The following RFX3 variants were observed in gnomAD, a reference collection of about 807,000 sequenced individuals.
The protein encoded by RFX3 is transcription factor RFX3.
RFX3 carries 14 observed loss-of-function variants against 98.6 expected under a neutral mutation model. The ratio of observed to expected loss-of-function variants is 0.14; its 90% CI spans 0.09 to 0.22. The LOEUF (loss-of-function observed/expected upper bound fraction) is 0.22. Ranked by LOEUF, RFX3 falls within the 10% of genes least tolerant of loss-of-function variation. The pLI is 1.00. For synonymous variants in RFX3, 383 were observed against 328.4 expected (o/e 1.17, Z -1.80); for missense variants, 639 against 926.9 (o/e 0.69, Z 4.03).
At chr9:3,436,515 C>T (rs559955195) in intron 1 of RFX3, among the ~76,000 whole-genome samples, 1 of 152,008 alleles carries the variant, frequency 6.6e-6, no homozygotes, top group Non-Finnish European at 1.5e-5. Context: ...TATGTCAAAA[C>T]TAATATACCT....
At chr9:3,295,379 T>C (rs1397342550) in intron 5 of RFX3, among the ~76,000 whole-genome samples, 29 of 152,070 alleles carry the variant, frequency 1.9e-4, no homozygotes, top group Admixed American at 1.9e-3. Flanking sequence ...AGCTGTATTG[T>C]ACAACAGTGC....
At chr9:3,244,007 A>AT (rs71324236) in intron 15 of RFX3, among the ~76,000 whole-genome samples, 109,553 of 145,506 alleles carry the variant, frequency 0.75, 42,992 homozygotes, top group East Asian at 0.86. Context: ...TATTTTTATT[A>AT]TTTTTTTTTT....
intron 1 of RFX3, among the ~76,000 whole-genome samples, chr9:3,465,320 TCA>T: frequency 1.3e-5 from 2 of 152,230 alleles, no homozygotes. Flanking sequence ...AAACAGAGTC[TCA>T]CTCTGTTTCC....
chr9:3,509,531 TA>T (rs1443791856), intron 1 of RFX3, among the ~76,000 whole-genome samples: 1 of 151,972 alleles, frequency 6.6e-6, no homozygotes, highest in Non-Finnish European at 1.5e-5. Flanking sequence ...TTTTTCTTTT[TA>T]AAAAACCTAG....
intron 12 of RFX3, 53 bp from the exon 13 acceptor site, chr9:3,263,137 C>T (rs778259084): frequency 2.2e-5 from 35 of 1,573,766 alleles, no homozygotes; most frequent in Non-Finnish European, 3.0e-5. Flanking sequence ...TAAAAGAAAC[C>T]ACTGCAATTT....
intron 1 of RFX3, among the ~76,000 whole-genome samples, chr9:3,491,308 A>G (rs1395304605): frequency 1.3e-5 from 2 of 152,160 alleles, no homozygotes; most frequent in Non-Finnish European, 2.9e-5. Flanking sequence ...AAAATGTAAT[A>G]ATCTACAATA....
At position 3,311,343 on chromosome 9, in the gene RFX3, CTT is replaced by C. The variant is rs1326964546; in HGVS notation, c.475-9725_475-9724del. On this transcript the variant is annotated intron_variant, in intron 4 of 16. Coordinates refer to ENST00000617270, the MANE Select transcript of RFX3 (RefSeq NM_001282116.2). ...AAGACAGAACATTTCTACTTGGAGA[CTT>C]ATGTTTAGAAAAGGGAATTGTGATG... is the stretch of plus-strand genomic sequence containing the variant. Among the ~76,000 whole-genome samples the C allele has an allele frequency of 9.0e-4, 137 of 152,076 alleles. 2 individuals carry two copies. The highest frequency in any genetic ancestry group is 1.9e-4 in the Non-Finnish European group (13 of 68,030).
At chr9:3,343,016 C>T (rs1834062464) in intron 3 of RFX3, among the ~76,000 whole-genome samples, 1 of 152,206 alleles carries the variant, frequency 6.6e-6, no homozygotes, top group African/African-American at 2.4e-5. Flanking sequence ...AATGTACACT[C>T]ACTCACTAAC....
At chr9:3,417,124 G>C (rs1397610289) in intron 1 of RFX3, among the ~76,000 whole-genome samples, 1 of 151,878 alleles carries the variant, frequency 6.6e-6, no homozygotes, top group Non-Finnish European at 1.5e-5. Context: ...TAATGATAAA[G>C]GAGCCTGCCT....
chr9:3,497,355 C>T (rs554178658), intron 1 of RFX3, among the ~76,000 whole-genome samples: 1 of 151,980 alleles, frequency 6.6e-6, no homozygotes, highest in South Asian at 2.1e-4. Flanking sequence ...GAAAGTGATG[C>T]CCAAATTTAA....
chr9:3,322,113 T>C (rs1247778578), intron 4 of RFX3, among the ~76,000 whole-genome samples: 6 of 152,264 alleles, frequency 3.9e-5, no homozygotes. Flanking sequence ...CTATAAATTC[T>C]TGCAAGTTTA....
chr9:3,357,136 G>A (rs1024306908), intron 2 of RFX3, among the ~76,000 whole-genome samples: 5 of 151,910 alleles, frequency 3.3e-5, no homozygotes, highest in East Asian at 1.9e-4. Context: ...TAATGCCTCC[G>A]CTTAAATTAT....
At chr9:3,314,936 C>G (rs182989371) in intron 4 of RFX3, among the ~76,000 whole-genome samples, 178 of 152,270 alleles carry the variant, frequency 1.2e-3, no homozygotes, top group Non-Finnish European at 2.2e-3. Context: ...GAGACTTTAG[C>G]ACCCCACTGT....
intron 13 of RFX3, 151 bp downstream of exon 13, chr9:3,262,784 T>C: frequency 1.2e-5 from 9 of 756,644 alleles, no homozygotes; most frequent in Non-Finnish European, 1.7e-5. Context: ...TACAGCTGTA[T>C]CTGGGTCAAA....
intron 1 of RFX3, among the ~76,000 whole-genome samples, chr9:3,457,139 C>CAAAAAAAA (rs1169959832): frequency 1.9e-3 from 44 of 22,814 alleles, no homozygotes; most frequent in East Asian, 3.3e-3. Flanking sequence ...GACTCCATCT[C>CAAAAAAAA]AAAAAAAAAA....
intron 9 of RFX3, among the ~76,000 whole-genome samples, chr9:3,272,877 G>C (rs983147995): frequency 4.6e-5 from 7 of 151,962 alleles, no homozygotes; most frequent in African/African-American, 1.7e-4. Flanking sequence ...CCCAATAACA[G>C]GCAAAGTAGG....
intron 5 of RFX3, among the ~76,000 whole-genome samples, chr9:3,299,541 A>C (rs1828397887): frequency 6.6e-6 from 1 of 151,906 alleles, no homozygotes; most frequent in Non-Finnish European, 1.5e-5. Context: ...TAGTTGGAGA[A>C]AGATTACCAC....
intron 1 of RFX3, among the ~76,000 whole-genome samples, chr9:3,436,613 T>C (rs1229146634): frequency 6.6e-6 from 1 of 152,132 alleles, no homozygotes; most frequent in Non-Finnish European, 1.5e-5. Context: ...AAATACTACA[T>C]GCCAGTTGGC....
At chr9:3,275,732 G>T in intron 8 of RFX3, 120 bp from the exon 9 acceptor site, 2 of 544,744 alleles carry the variant, frequency 3.7e-6, no homozygotes, top group Non-Finnish European at 6.6e-6. Context: ...GGGGTCCAGA[G>T]AGCAAGGACA....
Sources: gnomAD v4.1 joint callset for allele counts (sites outside exome capture counted in the v4.1 genomes callset) on GRCh38, gnomAD v4.1.1 for gene constraint, MANE v1.5 for transcripts, NCBI Gene and HGNC (gene_info 2026-07-23, HGNC 2026-07-21) for gene names.